ANO4: variants seen among roughly 807,000 people sequenced by gnomAD.
ANO4 encodes anoctamin-4.
In ANO4, 69 loss-of-function variants were observed where a neutral mutation model predicts 141.9. The observed-to-expected ratio is 0.49, with a 90% confidence interval of 0.40 to 0.59. ANO4 has a LOEUF of 0.59. ANO4 is among the 20% of genes least tolerant of loss of function. The pLI is 0.00. For synonymous variants in ANO4, 350 were observed against 394.3 expected, an observed-to-expected ratio of 0.89 and a Z score of 1.33; for missense variants, 894 against 1,162.2, an observed-to-expected ratio of 0.77 and a Z score of 3.36.
At chr12:100,924,247 T>C (rs2041769172) in intron 3 of ANO4, among the ~76,000 whole-genome samples, 1 of 152,190 alleles carries the variant, frequency 6.6e-6, no homozygotes, top group Admixed American at 6.6e-5. Flanking sequence ...TTGTTAACTT[T>C]CTTATGAATA....
intron 9 of ANO4, among the ~76,000 whole-genome samples, chr12:101,021,604 A>G (rs2046532851): frequency 6.6e-6 from 1 of 152,208 alleles, no homozygotes. Context: ...GGGTGAAACT[A>G]GAAGGTTGCA....
intron 1 of ANO4, among the ~76,000 whole-genome samples, chr12:100,803,269 G>A (rs1440675735): frequency 6.6e-6 from 1 of 152,190 alleles, no homozygotes; most frequent in Non-Finnish European, 1.5e-5. Flanking sequence ...AGCTCATTCA[G>A]AGAAGAGACG....
At chr12:101,064,207 T>C (rs2048477067) in intron 14 of ANO4, among the ~76,000 whole-genome samples, 1 of 152,212 alleles carries the variant, frequency 6.6e-6, no homozygotes, top group Non-Finnish European at 1.5e-5. Flanking sequence ...ATTGTGTTTT[T>C]ATTTTTAATC....
chr12:100,931,276 A>T (rs2042080070), intron 3 of ANO4, among the ~76,000 whole-genome samples: 1 of 152,136 alleles, frequency 6.6e-6, no homozygotes, highest in African/African-American at 2.4e-5. Flanking sequence ...ACAATAATGG[A>T]TCTATTTGTT....
chr12:101,032,799 A>G (rs1487407728), intron 9 of ANO4, among the ~76,000 whole-genome samples: 2 of 151,630 alleles, frequency 1.3e-5, no homozygotes, highest in Non-Finnish European at 2.9e-5. Flanking sequence ...AATGGCAATC[A>G]TTAAAAAGTC....
intron 3 of ANO4, among the ~76,000 whole-genome samples, chr12:100,742,390 T>C (rs903364300): frequency 1.3e-5 from 2 of 152,156 alleles, no homozygotes; most frequent in African/African-American, 4.8e-5. Flanking sequence ...TCATTTTGTT[T>C]AAAAAATACA....
intron 1 of ANO4, among the ~76,000 whole-genome samples, chr12:100,876,297 C>T (rs1053373821): frequency 2.4e-5 from 2 of 84,498 alleles, no homozygotes; most frequent in African/African-American, 1.1e-4. Flanking sequence ...AAAAAAAAAA[C>T]AGTGGGAATT....
chr12:101,019,242 T>C (rs1173368012), intron 8 of ANO4, among the ~76,000 whole-genome samples: 1 of 152,214 alleles, frequency 6.6e-6, no homozygotes, highest in African/African-American at 2.4e-5. Context: ...TCTAATATTC[T>C]ACCATTTTTT....
intron 2 of ANO4, among the ~76,000 whole-genome samples, chr12:100,913,554 T>G (rs2041206662): frequency 6.6e-6 from 1 of 152,186 alleles, no homozygotes; most frequent in African/African-American, 2.4e-5. Flanking sequence ...ATTTAGAAAT[T>G]AAGTTTTATC....
chr12:100,816,080 G>A (rs2035725565), intron 1 of ANO4, among the ~76,000 whole-genome samples: 1 of 151,956 alleles, frequency 6.6e-6, no homozygotes, highest in Non-Finnish European at 1.5e-5. Flanking sequence ...CTTAAATTGT[G>A]TTCCCAAAGC....
intron 1 of ANO4, among the ~76,000 whole-genome samples, chr12:100,719,462 CA>C (rs2136713890): frequency 6.6e-6 from 1 of 152,282 alleles, no homozygotes; most frequent in African/African-American, 2.4e-5. Context: ...GAACCCTCCG[CA>C]AATCTTCTCT....
chr12:100,870,625 A>G (rs554103080), intron 1 of ANO4, among the ~76,000 whole-genome samples: 18 of 152,070 alleles, frequency 1.2e-4, no homozygotes, highest in African/African-American at 4.1e-4. Flanking sequence ...TTATCTGATG[A>G]TTGCTTTCAT....
intron 2 of ANO4, among the ~76,000 whole-genome samples, chr12:100,905,729 G>T (rs2040816971): frequency 6.6e-6 from 1 of 152,106 alleles, no homozygotes; most frequent in Non-Finnish European, 1.5e-5. Flanking sequence ...AAGGTCAAGA[G>T]TTTCTTTTAA....
At chr12:100,971,259 G>A (rs1437481008) in intron 5 of ANO4, 47 bp from the exon 6 acceptor site, 2 of 1,379,622 alleles carry the variant, frequency 1.4e-6, no homozygotes, top group African/African-American at 2.9e-5. Flanking sequence ...TTAAACTGTG[G>A]GAGCCTTGAA....
intron 7 of ANO4, among the ~76,000 whole-genome samples, chr12:100,983,060 A>G (rs757425643): frequency 1.3e-5 from 2 of 152,156 alleles, no homozygotes; most frequent in African/African-American, 4.8e-5. Flanking sequence ...TCTGTCTTGC[A>G]TGATTGAAGG....
At chr12:100,736,765 T>C (rs896229246) in intron 2 of ANO4, among the ~76,000 whole-genome samples, 1 of 152,066 alleles carries the variant, frequency 6.6e-6, no homozygotes, top group Non-Finnish European at 1.5e-5. Flanking sequence ...ACAGAGACCA[T>C]ACAGAGAGAG....
At chr12:100,800,230 G>T (rs1239955212) in intron 1 of ANO4, among the ~76,000 whole-genome samples, 2 of 152,136 alleles carry the variant, frequency 1.3e-5, no homozygotes, top group Non-Finnish European at 2.9e-5. Flanking sequence ...TGATGTTTGT[G>T]AATTAATTCC....
At chr12:100,754,135 A>G (rs2032507926) in intron 3 of ANO4, among the ~76,000 whole-genome samples, 1 of 152,064 alleles carries the variant, frequency 6.6e-6, no homozygotes. Flanking sequence ...CTAAGACATG[A>G]CTCTCTCTTT....
At chr12:101,061,678 A>G (rs572511821) in intron 14 of ANO4, among the ~76,000 whole-genome samples, 45 of 151,646 alleles carry the variant, frequency 3.0e-4, no homozygotes, top group African/African-American at 1.1e-3. Context: ...CGACTCGACT[A>G]TTGATACTTG....
Sources: allele counts gnomAD v4.1 joint callset (sites outside exome capture counted in the v4.1 genomes callset), GRCh38; gene constraint gnomAD v4.1.1; transcripts MANE v1.5; gene names NCBI Gene and HGNC (gene_info 2026-07-23, HGNC 2026-07-21).